Variants in IQSEC3 observed in about 807,000 individuals in gnomAD.
IQSEC3 encodes IQ motif and SEC7 domain-containing protein 3.
IQSEC3 carries 50 observed loss-of-function variants against 105.4 expected under a neutral mutation model. That is an observed-to-expected ratio of 0.47 (90% CI 0.38 to 0.60). IQSEC3 has a LOEUF of 0.60. Ranked by LOEUF, IQSEC3 falls within the 20% of genes least tolerant of loss-of-function variation. The pLI, the probability that IQSEC3 is intolerant of heterozygous loss-of-function variation, is 0.00. For missense variants in IQSEC3, 1,415 were observed against 1,630.0 expected, an observed-to-expected ratio of 0.87 and a Z score of 2.27; for synonymous variants, 708 against 746.0, an observed-to-expected ratio of 0.95 and a Z score of 0.83.
At position 118,694 on chromosome 12, in the gene IQSEC3, ACTCC is replaced by A. The variant is rs1169149710; in HGVS notation, c.624-6935_624-6932del. 4.6e-5 allele frequency among the ~76,000 whole-genome samples: 7 copies of A among 151,946 alleles called. No individual in the cohort carries two copies. The East Asian group carries it at 1.4e-3, about 29-fold the overall frequency. On this transcript the variant is annotated intron_variant, in intron 2 of 13. Coordinates refer to ENST00000538872, the MANE Select transcript of IQSEC3 (RefSeq NM_001170738.2). ...CAAGCCACCCCACTATCAACAGCAG[ACTCC>A]CTCAGGGGCTGAGCCTGCAGGTAGC...
intron 2 of IQSEC3, among the ~76,000 whole-genome samples, chr12:108,924 A>G (rs1470341039): frequency 2.0e-5 from 3 of 152,306 alleles, no homozygotes; most frequent in Middle Eastern, 3.4e-3. Context: ...CCTGCTGGTG[A>G]CCCAGCAACT....
intron 11 of IQSEC3, chr12:167,447 T>C (rs914031912): frequency 1.3e-5 from 2 of 152,076 alleles, no homozygotes; most frequent in Non-Finnish European, 2.9e-5. Context: ...CCTCTCCTGC[T>C]GCCTCAAGGG....
Position 95,490 on chromosome 12 carries a change from G to A in IQSEC3, c.555-3656G>A, listed in dbSNP as rs530708644. On this transcript the variant is annotated intron_variant, in intron 1 of 13. Transcript: ENST00000538872. ...TCATATTCAGTTTTAATGGATTTACGGTAATATCACACATGGGAATTGATA... is the reference window on the plus strand; with the variant it reads ...TCATATTCAGTTTTAATGGATTTACAGTAATATCACACATGGGAATTGATA... Among the ~76,000 whole-genome samples, 19 of 152,212 alleles carry A rather than the reference G, an allele frequency of 1.2e-4. No homozygotes were observed. The East Asian group carries it at 1.9e-3, about 15-fold the overall frequency.
At chr12:160,828 T>TA (rs1415780090) in intron 7 of IQSEC3, among the ~76,000 whole-genome samples, 2 of 152,208 alleles carry the variant, frequency 1.3e-5, no homozygotes, top group African/African-American at 2.4e-5. Flanking sequence ...TCCATCCACT[T>TA]ATTTATCCAC....
chr12:90,551 C>T (rs1321086147), intron 1 of IQSEC3, among the ~76,000 whole-genome samples: 1 of 151,930 alleles, frequency 6.6e-6, no homozygotes, highest in Non-Finnish European at 1.5e-5. Context: ...TCTGGATATC[C>T]AGTTGTTTCA....
chr12:125,886 C>T lies in IQSEC3; in HGVS notation c.877C>T (p.Leu293Phe), dbSNP rs1555083286. 1.5e-5 allele frequency: 23 copies of T among 1,533,688 alleles called. No individual in the cohort carries two copies. The highest frequency in any genetic ancestry group is 1.9e-5 in the Non-Finnish European group (22 of 1,146,538). The change falls in exon 3 of 14, where the codon CTC becomes TTC. Residue 293 changes from leucine (L) to phenylalanine (F), a missense_variant. Physicochemically the swap from Leu to Phe is conservative, Grantham distance 22. Coordinates refer to ENST00000538872, the MANE Select transcript of IQSEC3 (RefSeq NM_001170738.2). ...CGCCCCTGCCGCCTCCGATTACGAA[C>T]TCTCCCTTGACCTAAAGAATAAACA... Reference protein sequence around the residue: ...PHAPAASDYELSLDLKNKQIE... With the variant: ...PHAPAASDYEFSLDLKNKQIE...
chr12:169,110 G>T lies in IQSEC3; in HGVS notation c.3064+5G>T. The T allele has an allele frequency of 6.2e-7, 1 of 1,613,246 alleles. No individual in the cohort carries two copies. The highest frequency in any genetic ancestry group is 8.5e-7 in the Non-Finnish European group (1 of 1,179,638). ...CAAAGCAAGGATCGCCGACAGGTGA[G>T]CCTCGGCTCCGCTCAGGGCACCAGT... is the stretch of plus-strand genomic sequence containing the variant. On this transcript the variant is annotated splice_donor_5th_base_variant and intron_variant, in intron 12 of 13. Coordinates refer to ENST00000538872, the MANE Select transcript of IQSEC3 (RefSeq NM_001170738.2).
rs368973756 is a variant in IQSEC3 at position 134,434 on chromosome 12, G to A, written c.904-3833G>A. ...ATGTCAGCTGGTCTTCTGCCTTCAA[G>A]CAGGATGATACCATGCCAAGGGCAT... is the stretch of plus-strand genomic sequence containing the variant. On this transcript the variant is annotated intron_variant, in intron 3 of 13. Transcript: ENST00000538872. 6.8e-4 allele frequency among the ~76,000 whole-genome samples: 103 copies of A among 152,362 alleles called. 1 individual carries two copies. The highest frequency in any genetic ancestry group is 2.3e-3 in the African/African-American group (95 of 41,590).
At chr12:68,647 C>A (rs566438741) in intron 1 of IQSEC3, among the ~76,000 whole-genome samples, 1 of 152,276 alleles carries the variant, frequency 6.6e-6, no homozygotes, top group African/African-American at 2.4e-5. Flanking sequence ...CTGACCTTGA[C>A]AATGGTGATG....
At chr12:102,761 T>C (rs1224778595) in intron 2 of IQSEC3, among the ~76,000 whole-genome samples, 1 of 152,044 alleles carries the variant, frequency 6.6e-6, no homozygotes, top group Admixed American at 6.5e-5. Flanking sequence ...ACACCTGAAA[T>C]TGAGCACATC....
chr12:137,372 G>C (rs962880881), intron 3 of IQSEC3: 1 of 151,376 alleles, frequency 6.6e-6, no homozygotes, highest in Non-Finnish European at 1.5e-5. Context: ...GAGCGGGGAA[G>C]CACGAGGAGC....
chr12:160,118 G>T (rs984626267), intron 7 of IQSEC3, among the ~76,000 whole-genome samples: 13 of 148,856 alleles, frequency 8.7e-5, no homozygotes, highest in Non-Finnish European at 1.7e-4. Flanking sequence ...GTTAATATTG[G>T]TTTGTTTGTT....
intron 13 of IQSEC3, chr12:171,422 A>T (rs1404207485): frequency 1.7e-6 from 2 of 1,146,804 alleles, no homozygotes; most frequent in Non-Finnish European, 2.6e-6. Context: ...AGACTAACAC[A>T]GTGGAGACGG....
chr12:158,084 C>T (rs1472038175), intron 7 of IQSEC3, among the ~76,000 whole-genome samples: 1 of 152,200 alleles, frequency 6.6e-6, no homozygotes, highest in Non-Finnish European at 1.5e-5. Flanking sequence ...AACTGTATGG[C>T]ACCAGCTGGC....
chr12:161,833 C>CA, intron 7 of IQSEC3, 93 bp from the exon 8 acceptor site: 1 of 1,349,020 alleles, frequency 7.4e-7, no homozygotes, highest in Non-Finnish European at 1.0e-6. Flanking sequence ...CCGGGAGCTC[C>CA]AGGCTGGATG....
At chr12:92,138 G>A (rs1171874771) in intron 1 of IQSEC3, among the ~76,000 whole-genome samples, 2 of 152,190 alleles carry the variant, frequency 1.3e-5, no homozygotes, top group Non-Finnish European at 2.9e-5. Flanking sequence ...TCAATATGGG[G>A]GATTTGGGAC....
At position 163,410 on chromosome 12, in the gene IQSEC3, TCTC is replaced by T; in HGVS notation, c.2584-80_2584-78del. 3.1e-6 allele frequency: 4 copies of T among 1,299,590 alleles called. No homozygotes were observed. The South Asian group carries it at 5.6e-5, about 18-fold the overall frequency. 80.5% of individuals were successfully genotyped at this position (1,299,590 alleles called of 1,614,324 possible). On this transcript the variant is annotated intron_variant, in intron 8 of 13. Transcript: ENST00000538872. ...CGGGCCCCTCCCCTCTCCCGGGCTG[TCTC>T]CTCTTCTGGAAAATGGGCGCGTGGG...
intron 1 of IQSEC3, among the ~76,000 whole-genome samples, chr12:69,582 C>T (rs1863230358): frequency 6.6e-6 from 1 of 152,280 alleles, no homozygotes; most frequent in Admixed American, 6.5e-5. Flanking sequence ...TCCAGATTCT[C>T]CAGCTTTTTC....
At position 178,306 on chromosome 12, in the gene IQSEC3, T is replaced by TGA. The variant is rs71849208; in HGVS notation, c.*3282_*3283dup. ...CCTCTCCCCGCACACCCGTCACCCATGAGAGAGAGAAACCTCTCTAGGGAA... is the reference window on the plus strand; with the variant it reads ...CCTCTCCCCGCACACCCGTCACCCATGAGAGAGAGAGAAACCTCTCTAGGGAA... On this transcript the variant is annotated 3_prime_UTR_variant, in exon 14 of 14. Transcript: ENST00000538872. 1.7e-4 allele frequency: 26 copies of TGA among 152,144 alleles called. No individual in the cohort carries two copies. The highest frequency in any genetic ancestry group is 6.3e-4 in the African/African-American group (26 of 41,496). The allele number at this position is 152,144 out of a possible 1,614,324, so 9.4% of individuals were successfully genotyped here. A position where few individuals can be genotyped will look rare whatever the true frequency, so the allele number is the denominator to read the frequency against.
Sources: allele counts gnomAD v4.1 joint callset (sites outside exome capture counted in the v4.1 genomes callset), GRCh38; gene constraint gnomAD v4.1.1; transcripts MANE v1.5; gene names NCBI Gene and HGNC (gene_info 2026-07-23, HGNC 2026-07-21).